CADM1: variants seen among roughly 807,000 people sequenced by gnomAD.
CADM1 encodes the protein cell adhesion molecule 1.
Under a neutral mutation model 53.1 loss-of-function variants are expected in CADM1, and 15 were observed. That is an observed-to-expected ratio of 0.28 (90% CI 0.19 to 0.44). CADM1 has a LOEUF of 0.44. CADM1 is among the 20% of genes least tolerant of loss of function. CADM1 has a pLI of 1.00. For synonymous variants in CADM1, 281 were observed against 243.0 expected, an observed-to-expected ratio of 1.16 and a Z score of -1.45; for missense variants, 434 against 611.3, an observed-to-expected ratio of 0.71 and a Z score of 3.06.
intron 1 of CADM1, among the ~76,000 whole-genome samples, chr11:115,436,456 A>T (rs138428118): frequency 1.8e-3 from 271 of 152,232 alleles, no homozygotes; most frequent in South Asian, 4.4e-3. Flanking sequence ...GGGGGGACCC[A>T]CCTGGCATTC....
intron 1 of CADM1, among the ~76,000 whole-genome samples, chr11:115,284,102 CTCTCTCTCTCTCTGTGTGTG>C (rs929917768): frequency 7.4e-6 from 1 of 134,422 alleles, no homozygotes; most frequent in Non-Finnish European, 1.6e-5. Flanking sequence ...CTCTCTCTCT[CTCTCTCTCTCTCTGTGTGTG>C]TGTGTGTGTG....
chr11:115,406,673 G>A (rs765788919), intron 1 of CADM1, among the ~76,000 whole-genome samples: 5 of 150,544 alleles, frequency 3.3e-5, no homozygotes, highest in Non-Finnish European at 5.9e-5. Flanking sequence ...ATGGCCAGGC[G>A]CTGTGGCTCA....
chr11:115,239,570 C>T (rs1184769702), intron 2 of CADM1, among the ~76,000 whole-genome samples: 1 of 152,164 alleles, frequency 6.6e-6, no homozygotes, highest in Non-Finnish European at 1.5e-5. Flanking sequence ...CTTTCCTCAA[C>T]CTTTTAAATG....
chr11:115,205,372 A>C lies in CADM1; in HGVS notation c.1078+4202T>G, dbSNP rs369459975. On this transcript the variant is annotated intron_variant, in intron 8 of 11. Coordinates refer to ENST00000331581, the MANE Select transcript of CADM1 (RefSeq NM_001301043.2). Reference sequence around the variant, plus strand: ...GCTAATACTATCACAGAAATGGGTAAGTTTATGTACACCTAACACACAAAG... The same window carrying C: ...GCTAATACTATCACAGAAATGGGTACGTTTATGTACACCTAACACACAAAG... Among the ~76,000 whole-genome samples, 10 of 152,336 alleles carry C rather than the reference A, an allele frequency of 6.6e-5. No individual in the cohort carries two copies. The South Asian group carries it at 1.0e-3, about 16-fold the overall frequency.
At chr11:115,266,522 C>A (rs1943145429) in intron 1 of CADM1, among the ~76,000 whole-genome samples, 1 of 152,224 alleles carries the variant, frequency 6.6e-6, no homozygotes, top group South Asian at 2.1e-4. Context: ...CTCCATGAAG[C>A]AAGATGTACA....
At chr11:115,414,986 G>A (rs1247777700) in intron 1 of CADM1, among the ~76,000 whole-genome samples, 2 of 152,156 alleles carry the variant, frequency 1.3e-5, no homozygotes, top group African/African-American at 2.4e-5. Flanking sequence ...AGGAGGATCA[G>A]CATTTTAAAA....
chr11:115,237,908 T>C (rs1223567008), intron 3 of CADM1, among the ~76,000 whole-genome samples: 2 of 152,248 alleles, frequency 1.3e-5, no homozygotes, highest in Non-Finnish European at 2.9e-5. Context: ...CAACAGTTCT[T>C]TGCTTATTAC....
chr11:115,369,027 A>T (rs1412685274), intron 1 of CADM1, among the ~76,000 whole-genome samples: 2 of 42,842 alleles, frequency 4.7e-5, no homozygotes, highest in African/African-American at 1.3e-4. Context: ...AAAAAAATCT[A>T]AAAAAAAAAA....
intron 1 of CADM1, among the ~76,000 whole-genome samples, chr11:115,277,658 T>C (rs1943480349): frequency 6.6e-6 from 1 of 152,212 alleles, no homozygotes; most frequent in African/African-American, 2.4e-5. Context: ...CTTCTGTTAA[T>C]GGAGGAGAGA....
At chr11:115,199,475 A>C (rs1469047648) in intron 8 of CADM1, among the ~76,000 whole-genome samples, 2 of 152,174 alleles carry the variant, frequency 1.3e-5, no homozygotes, top group African/African-American at 4.8e-5. Context: ...CAGGCTTCTA[A>C]GCCAAGCTTG....
chr11:115,234,699 C>G (rs1480104516), intron 3 of CADM1, among the ~76,000 whole-genome samples: 2 of 151,872 alleles, frequency 1.3e-5, no homozygotes, highest in African/African-American at 4.8e-5. Context: ...TTGAGACCAG[C>G]CTGGCCAACA....
rs541029696 is a variant in CADM1 at position 115,173,593 on chromosome 11, G to A, written c.*2881C>T. The A allele has an allele frequency of 1.1e-3, 234 of 220,150 alleles. No individual in the cohort carries two copies. Among genetic ancestry groups the A allele is most frequent in the Non-Finnish European group, 1.4e-3 (188 of 130,264 alleles). 13.6% of individuals were successfully genotyped at this position (220,150 alleles called of 1,614,324 possible). ...CCCATCTCTTCTCTCACTCGGAGGC[G>A]TCCATAAGAAGTCCATAAAGAGATT... is the stretch of plus-strand genomic sequence containing the variant. On this transcript the variant is annotated 3_prime_UTR_variant, in exon 12 of 12. Transcript: ENST00000331581.
rs372594262 is a variant in CADM1, at chr11:115,400,661, GTATATATATATATATATATA to G, written c.124+103590_124+103609del. Reference sequence around the variant, plus strand: ...TATATGTGTGTGTGTGTGTGTGTGTGTATATATATATATATATATATATATATATATATATATATATATAT... The same window carrying G: ...TATATGTGTGTGTGTGTGTGTGTGTGTATATATATATATATATATATATAT... On this transcript the variant is annotated intron_variant, in intron 1 of 11. Transcript: ENST00000331581. Among the ~76,000 whole-genome samples the G allele has an allele frequency of 8.8e-3, 410 of 46,574 alleles. 3 individuals are homozygous for G. Among genetic ancestry groups the G allele is most frequent in the African/African-American group, 0.026 (356 of 13,750 alleles). The allele number at this position is 46,574 out of a possible 152,430, so 30.6% of individuals were successfully genotyped here.
chr11:115,388,091 C>G (rs1421105375), intron 1 of CADM1, among the ~76,000 whole-genome samples: 2 of 151,864 alleles, frequency 1.3e-5, no homozygotes, highest in African/African-American at 2.4e-5. Context: ...CTAAAGGGGC[C>G]CCCACCAATT....
At chr11:115,269,873 G>C (rs913384506) in intron 1 of CADM1, among the ~76,000 whole-genome samples, 4 of 152,166 alleles carry the variant, frequency 2.6e-5, no homozygotes, top group Non-Finnish European at 5.9e-5. Flanking sequence ...ATTTGATGAG[G>C]CTTTTAAGAA....
chr11:115,318,952 G>A (rs1296447162), intron 1 of CADM1, among the ~76,000 whole-genome samples: 1 of 152,112 alleles, frequency 6.6e-6, no homozygotes, highest in Non-Finnish European at 1.5e-5. Flanking sequence ...TTATATGCCA[G>A]ACACTGTGCT....
intron 5 of CADM1, among the ~76,000 whole-genome samples, chr11:115,222,494 TA>T (rs1406472113): frequency 6.6e-6 from 1 of 152,142 alleles, no homozygotes; most frequent in Admixed American, 6.6e-5. Context: ...TCTTGCAAAA[TA>T]TTTGCTTTCT....
chr11:115,181,890 G>T (rs142782154), intron 10 of CADM1, among the ~76,000 whole-genome samples: 2 of 152,208 alleles, frequency 1.3e-5, no homozygotes, highest in African/African-American at 4.8e-5. Context: ...TGCTGCCCAG[G>T]GGGGAACTGG....
At chr11:115,503,277 C>T (rs947900583) in intron 1 of CADM1, among the ~76,000 whole-genome samples, 1 of 152,240 alleles carries the variant, frequency 6.6e-6, no homozygotes, top group Non-Finnish European at 1.5e-5. Flanking sequence ...CGGGCAGCCA[C>T]ACATCGGGCT....
Sources: gnomAD v4.1 joint callset for allele counts (sites outside exome capture counted in the v4.1 genomes callset) on GRCh38, gnomAD v4.1.1 for gene constraint, MANE v1.5 for transcripts, NCBI Gene and HGNC (gene_info 2026-07-23, HGNC 2026-07-21) for gene names.